Variants in SIRPB1 observed in about 807,000 individuals in gnomAD.
The protein encoded by SIRPB1 is signal regulatory protein beta 1, also known as signal-regulatory protein beta-1.
SIRPB1 carries 28 observed loss-of-function variants against 34.1 expected under a neutral mutation model. The observed-to-expected ratio is 0.82, with a 90% CI of 0.61 to 1.12. The LOEUF is 1.12. Ranked by LOEUF, SIRPB1 falls within the 50% of genes most tolerant of loss-of-function variation. The probability of loss-of-function intolerance (pLI) is 0.00; values close to 1 mark genes in which losing one functional copy is unlikely to be tolerated. For missense variants in SIRPB1, 499 were observed against 507.0 expected (o/e 0.98, Z 0.15); for synonymous variants, 211 against 203.8 (o/e 1.04, Z -0.30).
chr20:1,563,746 G>A lies in SIRPB1; in HGVS notation c.*1754C>T, dbSNP rs2091097173. 1 of 152,102 alleles carries A rather than the reference G, an allele frequency of 6.6e-6. No individual in the cohort carries two copies. Among genetic ancestry groups the A allele is most frequent in the Non-Finnish European group, 1.5e-5 (1 of 68,032 alleles). 9.4% of individuals were successfully genotyped at this position (152,102 alleles called of 1,614,324 possible). ...TGGTGGCAGGAGGGAGAGAGAGAGA[G>A]AGAGCGAAGGGGGACTTGCCACACA... On this transcript the variant is annotated 3_prime_UTR_variant, in exon 6 of 6. Coordinates refer to ENST00000381605, the MANE Select transcript of SIRPB1 (RefSeq NM_006065.5).
rs111351307 is a variant in SIRPB1, at chr20:1,561,678, T to A, written c.*3822A>T. Among the ~76,000 whole-genome samples, 1,458 of 152,326 alleles carry A rather than the reference T, an allele frequency of 9.6e-3. 29 individuals are homozygous for A. Among genetic ancestry groups the A allele is most frequent in the African/African-American group, 0.034 (1,421 of 41,564 alleles). On this transcript the variant is annotated 3_prime_UTR_variant, in exon 6 of 6. Coordinates refer to ENST00000381605, the MANE Select transcript of SIRPB1 (RefSeq NM_006065.5). ...GGAAGGTAATAGAGGAAAAGTGTCA[T>A]CTTCATCACATCATATTAAAGGTAC... is the stretch of plus-strand genomic sequence containing the variant.
In SIRPB1 at chr20:1,561,526, GACTTT is replaced by G. The variant is rs1408677373; in HGVS notation, c.*3969_*3973del. 6.6e-6 allele frequency among the ~76,000 whole-genome samples: 1 copy of G among 151,524 alleles called. No homozygotes were observed. Among genetic ancestry groups the G allele is most frequent in the Non-Finnish European group, 1.5e-5 (1 of 67,920 alleles). ...TTCTCTTGGCTATGACAGTTTTTTA[GACTTT>G]CCTTGATTTTGATGACCTTGACAGT... On this transcript the variant is annotated 3_prime_UTR_variant, in exon 6 of 6. Transcript: ENST00000381605.
intron 1 of SIRPB1, among the ~76,000 whole-genome samples, chr20:1,618,651 G>A (rs1212309380): frequency 6.6e-6 from 1 of 152,228 alleles, no homozygotes; most frequent in African/African-American, 2.4e-5. Context: ...TGACATCACA[G>A]CAGGGCCCAG....
At chr20:1,618,752 G>A (rs1274007738) in intron 1 of SIRPB1, among the ~76,000 whole-genome samples, 3 of 152,168 alleles carry the variant, frequency 2.0e-5, no homozygotes, top group East Asian at 1.9e-4. Flanking sequence ...ACTTGTCTGG[G>A]AGCTGTGAGC....
At chr20:1,572,295 A>C (rs2091253869) in intron 2 of SIRPB1, among the ~76,000 whole-genome samples, 1 of 152,256 alleles carries the variant, frequency 6.6e-6, no homozygotes, top group South Asian at 2.1e-4. Flanking sequence ...CTCTCCACAC[A>C]GGGAGACTTC....
At position 1,573,462 on chromosome 20, in the gene SIRPB1, G is replaced by A. The variant is rs940581259; in HGVS notation, c.434-1425C>T. On this transcript the variant is annotated intron_variant, in intron 2 of 5. Coordinates refer to ENST00000381605, the MANE Select transcript of SIRPB1 (RefSeq NM_006065.5). ...TAATTGTTACCTTGAACCTTCTGCC[G>A]TCCTCTTAGAAAGCACATATTATAC... 2.0e-3 allele frequency among the ~76,000 whole-genome samples: 195 copies of A among 97,244 alleles called. 4 individuals are homozygous for A. The Middle Eastern group carries it at 0.032, about 16-fold the overall frequency. 63.8% of individuals were successfully genotyped at this position (97,244 alleles called of 152,430 possible). A position where few individuals can be genotyped will look rare whatever the true frequency, so the allele number is the denominator to read the frequency against.
intron 1 of SIRPB1, among the ~76,000 whole-genome samples, chr20:1,613,481 G>A (rs1365377036): frequency 2.2e-5 from 3 of 139,244 alleles, no homozygotes; most frequent in African/African-American, 5.6e-5. Context: ...AGGAAATAAC[G>A]GACCAAGAAC....
At chr20:1,617,064 A>G (rs2091640421) in intron 1 of SIRPB1, among the ~76,000 whole-genome samples, 1 of 152,222 alleles carries the variant, frequency 6.6e-6, no homozygotes, top group African/African-American at 2.4e-5. Context: ...GATGTGGAGA[A>G]AAGGGAATTC....
Position 1,562,500 on chromosome 20 carries a change from A to G in SIRPB1, c.*3000T>C, listed in dbSNP as rs2091089756. On this transcript the variant is annotated 3_prime_UTR_variant, in exon 6 of 6. Coordinates refer to ENST00000381605, the MANE Select transcript of SIRPB1 (RefSeq NM_006065.5). ...TTGCGTAACATAGATAAATACAGGC[A>G]GTTCTCACTTTGGTGATGACATGCA... Among the ~76,000 whole-genome samples the G allele has an allele frequency of 6.6e-6, 1 of 151,564 alleles. No homozygotes were observed. Among genetic ancestry groups the G allele is most frequent in the Non-Finnish European group, 1.5e-5 (1 of 67,958 alleles).
At position 1,619,914 on chromosome 20, in the gene SIRPB1, G is replaced by A. The variant is rs758172589; in HGVS notation, c.31C>T (p.Pro11Ser). Residue 11 changes from proline (P) to serine (S), a missense_variant, in exon 1 of 6, where the codon CCT (proline) becomes TCT (serine). Physicochemically the swap from Pro to Ser is moderately conservative, Grantham distance 74. Transcript: ENST00000381605. ...AGCGTCATCAGCAGGAAAGGACTAG[G>A]AAGGTGGGGCCAGGAGGCTGGCACG... Reference protein sequence around the residue: MPVPASWPHLPSPFLLMTLLL... With the variant: MPVPASWPHLSSPFLLMTLLL... The A allele has an allele frequency of 6.2e-7, 1 of 1,613,990 alleles. No homozygotes were observed. The highest frequency in any genetic ancestry group is 8.5e-7 in the Non-Finnish European group (1 of 1,179,896).
chr20:1,614,298 G>A (rs1322125784), intron 1 of SIRPB1, among the ~76,000 whole-genome samples: 1 of 152,174 alleles, frequency 6.6e-6, no homozygotes, highest in Non-Finnish European at 1.5e-5. Context: ...ACTCAAAGTT[G>A]TATGAAGAAA....
chr20:1,566,141 T>A lies in SIRPB1; in HGVS notation c.*2+12A>T. 6.4e-7 allele frequency: 1 copy of A among 1,568,072 alleles called. No individual in the cohort carries two copies. Among genetic ancestry groups the A allele is most frequent in the Non-Finnish European group, 8.7e-7 (1 of 1,147,144 alleles). ...AGGAGCCCTTGGTCAGTCCTCCCTC[T>A]CCTAAACTTACAGTCAGGCCTTCTG... On this transcript the variant is annotated intron_variant, in intron 5 of 5. Transcript: ENST00000381605.
intron 1 of SIRPB1, 80 bp from the exon 2 acceptor site, chr20:1,578,774 C>T (rs974389316): frequency 8.0e-7 from 1 of 1,242,684 alleles, no homozygotes; most frequent in South Asian, 1.3e-5. Context: ...CAATGGCTTT[C>T]ATTGACTGGG....
intron 2 of SIRPB1, among the ~76,000 whole-genome samples, chr20:1,577,989 C>G (rs958717206): frequency 6.8e-6 from 1 of 147,740 alleles, no homozygotes; most frequent in Admixed American, 6.7e-5. Flanking sequence ...GAAGCATTCT[C>G]TGGAGGCAGA....
chr20:1,572,285 C>T (rs2091253624), intron 2 of SIRPB1, among the ~76,000 whole-genome samples: 1 of 152,120 alleles, frequency 6.6e-6, no homozygotes, highest in Non-Finnish European at 1.5e-5. Context: ...GTTCAAAGTC[C>T]TCTCCACACA....
In SIRPB1 at chr20:1,571,954, C is replaced by T. The variant is rs1277397731; in HGVS notation, c.517G>A (p.Gly173Ser). The T allele has an allele frequency of 6.2e-7, 1 of 1,614,148 alleles. No homozygotes were observed. Among genetic ancestry groups the T allele is most frequent in the East Asian group, 2.2e-5 (1 of 44,878 alleles). Reference protein sequence around the residue: ...HTVSFTCESHGFSPRDITLKW... With the variant: ...HTVSFTCESHSFSPRDITLKW... The stretch of plus-strand genomic sequence containing the variant: ...AGGGTGATGTCTCTGGGAGAGAAGC[C>T]ATGGGACTCGCAGGTGAAGCTCACT... Residue 173 changes from glycine to serine, a missense_variant, in exon 3 of 6, where the codon GGC (glycine) becomes AGC (serine). By Grantham distance (56) the Gly-to-Ser change is moderately conservative. Transcript: ENST00000381605.
At chr20:1,576,946 C>T (rs937384554) in intron 2 of SIRPB1, among the ~76,000 whole-genome samples, 1 of 148,260 alleles carries the variant, frequency 6.7e-6, no homozygotes, top group South Asian at 2.1e-4. Context: ...TGTAGTAGCT[C>T]AATGTTGGGA....
At chr20:1,578,834 A>C (rs2091360630) in intron 1 of SIRPB1, 140 bp from the exon 2 acceptor site, 30 of 716,598 alleles carry the variant, frequency 4.2e-5, no homozygotes, top group Non-Finnish European at 6.0e-5. Flanking sequence ...GTATTATCTC[A>C]TTTAACCCTC....
rs147487948 is a variant in SIRPB1, at chr20:1,613,590, A to C, written c.76+6279T>G. Among the ~76,000 whole-genome samples, 251 of 152,310 alleles carry C rather than the reference A, an allele frequency of 1.6e-3. 2 individuals carry two copies. The highest frequency in any genetic ancestry group is 5.7e-3 in the African/African-American group (237 of 41,554). On this transcript the variant is annotated intron_variant, in intron 1 of 5. Transcript: ENST00000381605. ...CTTAGGAATTGAAAGTACAATAACT[A>C]AAAGTTCACTAGAGGGGTCCCCCAG...
Sources: allele counts gnomAD v4.1 joint callset (sites outside exome capture counted in the v4.1 genomes callset), GRCh38; gene constraint gnomAD v4.1.1; transcripts MANE v1.5; gene names NCBI Gene and HGNC (gene_info 2026-07-23, HGNC 2026-07-21).